RELN: variants seen among roughly 807,000 people sequenced by gnomAD.
RELN encodes reelin.
In RELN, 108 loss-of-function variants were observed where a neutral mutation model predicts 427.6. That is an observed-to-expected ratio of 0.25 (90% CI 0.22 to 0.30). The LOEUF (loss-of-function observed/expected upper bound fraction) is 0.30. Ranked by LOEUF, RELN falls within the 10% of genes least tolerant of loss-of-function variation. RELN has a pLI of 1.00. For missense variants in RELN, 3,715 were observed against 4,302.8 expected, an observed-to-expected ratio of 0.86 and a Z score of 3.82; for synonymous variants, 1,524 against 1,513.4, an observed-to-expected ratio of 1.01 and a Z score of -0.16.
intron 54 of RELN, 28 bp downstream of exon 54, chr7:103,498,049 A>G (rs768404510): frequency 1.6e-5 from 26 of 1,611,680 alleles, no homozygotes; most frequent in Non-Finnish European, 2.2e-5. Context: ...ATGGTGCAAT[A>G]GAAATAACTA....
At chr7:103,932,385 T>C (rs1028920755) in intron 1 of RELN, among the ~76,000 whole-genome samples, 2 of 152,044 alleles carry the variant, frequency 1.3e-5, no homozygotes, top group African/African-American at 2.4e-5. Flanking sequence ...GGGTTCTACT[T>C]GAGGATGGAG....
Position 103,593,867 on chromosome 7 carries a change from G to C in RELN, c.3727C>G (p.Pro1243Ala), listed in dbSNP as rs920158240. 1 of 1,613,180 alleles carries C rather than the reference G, an allele frequency of 6.2e-7. No homozygotes were observed. The highest frequency in any genetic ancestry group is 8.5e-7 in the Non-Finnish European group (1 of 1,179,394). Residue 1243 changes from proline to alanine, a missense_variant, in exon 27 of 65, where the codon CCA becomes GCA. Pro to Ala is a conservative substitution (Grantham distance 27). Coordinates refer to ENST00000428762, the MANE Select transcript of RELN (RefSeq NM_005045.4). ...TGATTCATAGGGTAATCAAAAGCTG[G>C]CTTCTCATAAAAGTTCTAATAGAAA... is the stretch of plus-strand genomic sequence containing the variant. Reference protein sequence around the residue: ...PTLPQNFYEKPAFDYPMNQMS... With the variant: ...PTLPQNFYEKAAFDYPMNQMS...
In RELN at chr7:103,745,509, A is replaced by G. The variant is rs572895372; in HGVS notation, c.656+3917T>C. On this transcript the variant is annotated intron_variant, in intron 6 of 64. Coordinates refer to ENST00000428762, the MANE Select transcript of RELN (RefSeq NM_005045.4). The stretch of plus-strand genomic sequence containing the variant: ...TTGCAGACGACATGATTGTATATCT[A>G]TAAAACCCCATCGTCTCAGCCCAAA... Among the ~76,000 whole-genome samples, 301 of 146,238 alleles carry G rather than the reference A, an allele frequency of 2.1e-3. 1 individual carries two copies. The Middle Eastern group carries it at 0.028, about 13-fold the overall frequency.
At chr7:103,837,333 A>C (rs1793435196) in intron 2 of RELN, among the ~76,000 whole-genome samples, 1 of 152,212 alleles carries the variant, frequency 6.6e-6, no homozygotes, top group Admixed American at 6.5e-5. Flanking sequence ...ATCAGTTAGA[A>C]GGTTTGGGAA....
At chr7:103,945,354 C>G (rs148819425) in intron 1 of RELN, among the ~76,000 whole-genome samples, 1 of 152,174 alleles carries the variant, frequency 6.6e-6, no homozygotes, top group Non-Finnish European at 1.5e-5. Context: ...ACTCCTGATT[C>G]TCTAGGCCTC....
At chr7:103,799,764 G>C (rs2116305664) in intron 3 of RELN, among the ~76,000 whole-genome samples, 1 of 152,256 alleles carries the variant, frequency 6.6e-6, no homozygotes, top group East Asian at 1.9e-4. Flanking sequence ...TAGCAGAGTG[G>C]TGAAGAGCAT....
intron 4 of RELN, among the ~76,000 whole-genome samples, chr7:103,755,775 C>T (rs1004794511): frequency 1.2e-4 from 17 of 142,886 alleles, no homozygotes; most frequent in African/African-American, 4.2e-4. Flanking sequence ...ATCGCACAAC[C>T]GCACTCCAGT....
At chr7:103,698,309 C>A (rs1272637751) in intron 9 of RELN, among the ~76,000 whole-genome samples, 1 of 151,980 alleles carries the variant, frequency 6.6e-6, no homozygotes, top group African/African-American at 2.4e-5. Flanking sequence ...TAAATACCTA[C>A]AAAAGGTTTA....
intron 20 of RELN, among the ~76,000 whole-genome samples, chr7:103,617,609 G>T (rs994836111): frequency 6.7e-5 from 10 of 149,710 alleles, no homozygotes; most frequent in East Asian, 1.9e-4. Context: ...ATTCCTTTCA[G>T]ATATATATAT....
At chr7:103,784,036 A>G (rs1242967741) in intron 3 of RELN, among the ~76,000 whole-genome samples, 2 of 152,192 alleles carry the variant, frequency 1.3e-5, no homozygotes, top group African/African-American at 4.8e-5. Context: ...GTAAATCACC[A>G]ATGAAGTGAA....
chr7:103,895,234 C>G (rs1794933617), intron 2 of RELN, among the ~76,000 whole-genome samples: 1 of 152,052 alleles, frequency 6.6e-6, no homozygotes, highest in Admixed American at 6.6e-5. Context: ...TGTACATCTT[C>G]TGGGCAAATT....
chr7:103,635,325 T>G (rs1462511896), intron 19 of RELN, 100 bp downstream of exon 19: 2 of 1,326,506 alleles, frequency 1.5e-6, no homozygotes, highest in Admixed American at 3.7e-5. Flanking sequence ...GCTCCATCTG[T>G]CAATGGAAAA....
intron 11 of RELN, among the ~76,000 whole-genome samples, chr7:103,676,406 A>C: frequency 6.6e-6 from 1 of 152,164 alleles, no homozygotes; most frequent in Non-Finnish European, 1.5e-5. Flanking sequence ...GCTGGAGAGG[A>C]TGTGGAGAAA....
intron 6 of RELN, among the ~76,000 whole-genome samples, chr7:103,739,756 C>T (rs759887994): frequency 5.3e-5 from 8 of 152,188 alleles, no homozygotes; most frequent in Non-Finnish European, 4.4e-5. Context: ...GGCCACTTCC[C>T]TAGCAAAGCC....
intron 12 of RELN, among the ~76,000 whole-genome samples, chr7:103,655,902 G>A (rs1460661082): frequency 6.6e-6 from 1 of 152,018 alleles, no homozygotes; most frequent in Non-Finnish European, 1.5e-5. Flanking sequence ...CATAAACATT[G>A]ATTATTCCCT....
rs1830715024 is a variant in RELN, at chr7:103,564,902, T to C, written c.5210+376A>G. Among the ~76,000 whole-genome samples the C allele has an allele frequency of 2.0e-5, 3 of 152,136 alleles. No homozygotes were observed. The South Asian group carries it at 6.2e-4, about 32-fold the overall frequency. On this transcript the variant is annotated intron_variant, in intron 34 of 64. Coordinates refer to ENST00000428762, the MANE Select transcript of RELN (RefSeq NM_005045.4). ...TCCAAAGGAACCAACCTTTTGTTCA[T>C]ACTGTGGTACTGAGATGAAAAAAAA...
chr7:103,502,065 C>T (rs1302063376), intron 52 of RELN, among the ~76,000 whole-genome samples: 3 of 152,202 alleles, frequency 2.0e-5, no homozygotes, highest in Admixed American at 2.0e-4. Context: ...AACGCTGTCC[C>T]TGAAGACACC....
chr7:103,546,078 A>G (rs1182092105), intron 41 of RELN, among the ~76,000 whole-genome samples: 1 of 152,360 alleles, frequency 6.6e-6, no homozygotes, highest in East Asian at 1.9e-4. Flanking sequence ...TTGTCCAACC[A>G]TCACCTCTTT....
intron 1 of RELN, among the ~76,000 whole-genome samples, chr7:103,962,697 G>A (rs1044116871): frequency 6.6e-6 from 1 of 150,938 alleles, no homozygotes; most frequent in Non-Finnish European, 1.5e-5. Context: ...ATGTATTATG[G>A]ACTAATGAAT....
Sources: allele counts gnomAD v4.1 joint callset (sites outside exome capture counted in the v4.1 genomes callset), GRCh38; gene constraint gnomAD v4.1.1; transcripts MANE v1.5; gene names NCBI Gene and HGNC (gene_info 2026-07-23, HGNC 2026-07-21).